RARB: variants seen among roughly 807,000 people sequenced by gnomAD.
RARB encodes HBV-activated protein.
In RARB, 17 loss-of-function variants were observed where a neutral mutation model predicts 51.9. The ratio of observed to expected loss-of-function variants is 0.33; its 90% CI spans 0.22 to 0.49. The LOEUF (loss-of-function observed/expected upper bound fraction) is 0.49, where lower values mean the gene tolerates loss of function less well. RARB is among the 20% of genes least tolerant of loss of function. RARB has a pLI of 0.99. For missense variants in RARB, 369 were observed against 550.8 expected, an observed-to-expected ratio of 0.67 and a Z score of 3.30; for synonymous variants, 215 against 195.4, an observed-to-expected ratio of 1.10 and a Z score of -0.84.
At chr3:25,332,276 A>G (rs1704923292) in intron 5 of RARB, among the ~76,000 whole-genome samples, 1 of 152,210 alleles carries the variant, frequency 6.6e-6, no homozygotes, top group African/African-American at 2.4e-5. Context: ...GAAATCCTCA[A>G]TAAAATACTG....
At chr3:24,972,480 A>T (rs1575098806) in intron 2 of RARB, among the ~76,000 whole-genome samples, 1 of 151,560 alleles carries the variant, frequency 6.6e-6, no homozygotes, top group Non-Finnish European at 1.5e-5. Flanking sequence ...TGCTATATTG[A>T]TTTTTTTTCT....
intron 3 of RARB, among the ~76,000 whole-genome samples, chr3:25,064,090 T>TAA (rs1698609579): frequency 6.6e-6 from 1 of 152,104 alleles, no homozygotes; most frequent in African/African-American, 2.4e-5. Flanking sequence ...TGCCTTATTG[T>TAA]AAAAATGCCA....
chr3:25,012,762 T>C (rs752535856), intron 2 of RARB, among the ~76,000 whole-genome samples: 4 of 152,104 alleles, frequency 2.6e-5, no homozygotes, highest in Non-Finnish European at 2.9e-5. Flanking sequence ...GTGAGAGATA[T>C]ACAAAATTTG....
At chr3:25,481,650 A>G (rs1696229174) in intron 2 of RARB, among the ~76,000 whole-genome samples, 1 of 152,194 alleles carries the variant, frequency 6.6e-6, no homozygotes, top group South Asian at 2.1e-4. Flanking sequence ...GCTTCTGTGC[A>G]TATTGTACAT....
chr3:25,497,772 C>T (rs1697115649), intron 2 of RARB, among the ~76,000 whole-genome samples: 1 of 152,178 alleles, frequency 6.6e-6, no homozygotes, highest in African/African-American at 2.4e-5. Context: ...ATCCTCTGTA[C>T]ACGCTCAACT....
chr3:25,410,515 C>T (rs1030979190), intron 5 of RARB, among the ~76,000 whole-genome samples: 6 of 152,172 alleles, frequency 3.9e-5, no homozygotes, highest in Admixed American at 6.5e-5. Flanking sequence ...ACTCGCTGAG[C>T]CTAGTGACAT....
intron 1 of RARB, among the ~76,000 whole-genome samples, chr3:25,445,321 G>T (rs914877962): frequency 6.6e-6 from 1 of 152,122 alleles, no homozygotes; most frequent in African/African-American, 2.4e-5. Flanking sequence ...CCACGTTGCC[G>T]TAAACTGGGT....
intron 1 of RARB, among the ~76,000 whole-genome samples, chr3:24,853,526 C>G (rs1702591053): frequency 6.6e-6 from 1 of 152,090 alleles, no homozygotes; most frequent in African/African-American, 2.4e-5. Flanking sequence ...AAGCTTTACC[C>G]TGAAACTAAT....
chr3:25,117,020 GACCA>G (rs1699699450), intron 3 of RARB, among the ~76,000 whole-genome samples: 1 of 152,122 alleles, frequency 6.6e-6, no homozygotes, highest in Non-Finnish European at 1.5e-5. Context: ...ACTAAAGATA[GACCA>G]GCCAGAAATC....
At chr3:24,940,194 A>G (rs1422622185) in intron 2 of RARB, among the ~76,000 whole-genome samples, 1 of 152,172 alleles carries the variant, frequency 6.6e-6, no homozygotes, top group East Asian at 1.9e-4. Context: ...GGTGTGGCAC[A>G]TCGTTTCATC....
rs867193861 is a variant in RARB at position 25,452,857 on chromosome 3, G to A, written c.158-8336G>A. 6.6e-5 allele frequency among the ~76,000 whole-genome samples: 10 copies of A among 152,100 alleles called. No homozygotes were observed. The East Asian group carries it at 1.4e-3, about 21-fold the overall frequency. ...TTGCATGGTCCCTAACACAGTAGGC[G>A]CTCAGTAAATAGTAATTACTATTAG... On this transcript the variant is annotated intron_variant, in intron 1 of 7. Coordinates refer to ENST00000330688, the MANE Select transcript of RARB (RefSeq NM_000965.5).
At chr3:25,302,658 A>G (rs1704068794) in intron 5 of RARB, among the ~76,000 whole-genome samples, 1 of 152,230 alleles carries the variant, frequency 6.6e-6, no homozygotes, top group Non-Finnish European at 1.5e-5. Context: ...GAGATAATGA[A>G]AATGTTTCAA....
chr3:25,503,781 A>G (rs768820077), intron 3 of RARB, among the ~76,000 whole-genome samples: 1 of 152,256 alleles, frequency 6.6e-6, no homozygotes, highest in Non-Finnish European at 1.5e-5. Context: ...GTAACCAATT[A>G]TACCACAGTA....
chr3:25,527,661 T>C (rs951344070), intron 3 of RARB, among the ~76,000 whole-genome samples: 1 of 152,196 alleles, frequency 6.6e-6, no homozygotes, highest in African/African-American at 2.4e-5. Context: ...GGACAACTAG[T>C]ATACCCTTAT....
At chr3:25,235,422 G>A (rs940507561) in intron 5 of RARB, among the ~76,000 whole-genome samples, 3 of 152,104 alleles carry the variant, frequency 2.0e-5, no homozygotes, top group Non-Finnish European at 2.9e-5. Context: ...TATTTGAAGT[G>A]AGAATACCAA....
chr3:25,416,034 T>G (rs1707692931), intron 5 of RARB, among the ~76,000 whole-genome samples: 1 of 152,200 alleles, frequency 6.6e-6, no homozygotes, highest in Non-Finnish European at 1.5e-5. Flanking sequence ...AGGGTCATCA[T>G]TGTCTTAATT....
intron 2 of RARB, among the ~76,000 whole-genome samples, chr3:25,020,794 A>C (rs1697619352): frequency 6.6e-6 from 1 of 152,024 alleles, no homozygotes; most frequent in Non-Finnish European, 1.5e-5. Flanking sequence ...ATCTCATTTA[A>C]AATATTTTAG....
intron 2 of RARB, among the ~76,000 whole-genome samples, chr3:24,859,036 C>CAAAAAAAAAAAAA (rs1169235713): frequency 8.0e-5 from 4 of 50,294 alleles, no homozygotes; most frequent in African/African-American, 1.9e-4. Flanking sequence ...GACTCTGTCT[C>CAAAAAAAAAAAAA]AAAAAAAAAA....
chr3:25,317,575 C>T (rs1213020285), intron 5 of RARB, among the ~76,000 whole-genome samples: 4 of 151,950 alleles, frequency 2.6e-5, no homozygotes, highest in Non-Finnish European at 5.9e-5. Context: ...AACCATTTAC[C>T]TAAAATTACA....
Sources: gnomAD v4.1 joint callset for allele counts (sites outside exome capture counted in the v4.1 genomes callset) on GRCh38, gnomAD v4.1.1 for gene constraint, MANE v1.5 for transcripts, NCBI Gene and HGNC (gene_info 2026-07-23, HGNC 2026-07-21) for gene names.